Variants in AK7 observed in about 807,000 individuals in gnomAD.
AK7 encodes the protein ATP-AMP transphosphorylase 7.
A neutral mutation model predicts 96.6 loss-of-function variants in AK7; 78 were observed. The ratio of observed to expected loss-of-function variants is 0.81; its 90% CI spans 0.67 to 0.97. The LOEUF (loss-of-function observed/expected upper bound fraction) is 0.97, where lower values mean the gene tolerates loss of function less well. AK7 is among the 50% of genes least tolerant of loss of function. The pLI is 0.00. For synonymous variants in AK7, 302 were observed against 317.2 expected, an observed-to-expected ratio of 0.95 and a Z score of 0.51; for missense variants, 855 against 887.9, an observed-to-expected ratio of 0.96 and a Z score of 0.47.
In AK7 at chr14:96,486,064, G is replaced by A. The variant is rs188801250; in HGVS notation, c.1975-834G>A. ...CTCCCAAAGTGCTGGGATTACAGGC[G>A]TGAGCCACCGCGCCCAGCCCAGCTA... On this transcript the variant is annotated intron_variant, in intron 16 of 17. Transcript: ENST00000267584. 5.3e-4 allele frequency among the ~76,000 whole-genome samples: 81 copies of A among 152,306 alleles called. 1 individual carries two copies. Among genetic ancestry groups the A allele is most frequent in the African/African-American group, 1.8e-3 (76 of 41,580 alleles).
chr14:96,403,152 A>AAATAAATAAATAAATAAATG (rs1211273525), intron 2 of AK7, among the ~76,000 whole-genome samples: 1 of 147,854 alleles, frequency 6.8e-6, no homozygotes, highest in East Asian at 2.0e-4. Flanking sequence ...ATAAATAAAT[A>AAATAAATAAATAAATAAATG]AATGGAGGTC....
chr14:96,459,465 A>G (rs1199197253), intron 12 of AK7, among the ~76,000 whole-genome samples: 1 of 152,242 alleles, frequency 6.6e-6, no homozygotes, highest in African/African-American at 2.4e-5. Flanking sequence ...TTAATTGGAC[A>G]AACCAAGAAA....
chr14:96,452,455 A>G (rs149038469), intron 10 of AK7, among the ~76,000 whole-genome samples: 1,561 of 147,738 alleles, frequency 0.011, 21 homozygotes, highest in Middle Eastern at 0.015. Flanking sequence ...CCTGAGTAGT[A>G]CCTGAGATTA....
At chr14:96,456,762 T>A (rs562201562) in intron 11 of AK7, 2 of 270,618 alleles carry the variant, frequency 7.4e-6, no homozygotes, top group Non-Finnish European at 1.4e-5. Flanking sequence ...TGAACACAAG[T>A]GTGTGTTTGT....
intron 12 of AK7, among the ~76,000 whole-genome samples, chr14:96,466,695 A>G (rs975966825): frequency 6.6e-6 from 1 of 152,118 alleles, no homozygotes; most frequent in Non-Finnish European, 1.5e-5. Flanking sequence ...AACTGCCTAC[A>G]TTCTTCATGA....
At chr14:96,419,732 T>C (rs1891556838) in intron 4 of AK7, among the ~76,000 whole-genome samples, 1 of 151,942 alleles carries the variant, frequency 6.6e-6, no homozygotes, top group East Asian at 1.9e-4. Context: ...TAATTTTGTT[T>C]AGATTAAATT....
chr14:96,397,380 C>T (rs957592209), intron 1 of AK7, among the ~76,000 whole-genome samples: 3 of 152,008 alleles, frequency 2.0e-5, no homozygotes, highest in African/African-American at 7.2e-5. Flanking sequence ...TCCCGAGTAG[C>T]GGGGACTACA....
At chr14:96,414,521 GA>G (rs1891212378) in intron 4 of AK7, among the ~76,000 whole-genome samples, 2 of 152,172 alleles carry the variant, frequency 1.3e-5, no homozygotes, top group African/African-American at 4.8e-5. Flanking sequence ...GTCATATCTG[GA>G]TGTGAAGCTT....
At chr14:96,427,744 A>G (rs1361282079) in intron 5 of AK7, among the ~76,000 whole-genome samples, 3 of 152,186 alleles carry the variant, frequency 2.0e-5, no homozygotes, top group Non-Finnish European at 4.4e-5. Context: ...TTTAAGGCCA[A>G]TAACTCTTAG....
chr14:96,472,362 C>G (rs931320355), intron 13 of AK7, among the ~76,000 whole-genome samples: 1 of 152,184 alleles, frequency 6.6e-6, no homozygotes. Flanking sequence ...ACCCTGTTGC[C>G]AGGTTGATCT....
At chr14:96,473,291 C>T (rs923203077) in intron 14 of AK7, among the ~76,000 whole-genome samples, 1 of 151,196 alleles carries the variant, frequency 6.6e-6, no homozygotes, top group African/African-American at 2.4e-5. Context: ...CTGCCTCAGT[C>T]TCCCCAGCAG....
rs936491410 is a variant in AK7, at chr14:96,444,821, G to A, written c.780-1696G>A. Among the ~76,000 whole-genome samples the A allele has an allele frequency of 6.6e-5, 10 of 151,948 alleles. No individual in the cohort carries two copies. In the Middle Eastern group the frequency reaches 0.014, roughly 207 times the overall value. On this transcript the variant is annotated intron_variant, in intron 7 of 17. Transcript: ENST00000267584. Reference sequence around the variant, plus strand: ...CAACCTCCGCCTCCTGGGTTCAAGCGATTCTCCTGCCTCAGCCTCCCAAGT... The same window carrying A: ...CAACCTCCGCCTCCTGGGTTCAAGCAATTCTCCTGCCTCAGCCTCCCAAGT...
At chr14:96,446,946 A>G (rs1363102955) in intron 8 of AK7, among the ~76,000 whole-genome samples, 1 of 150,538 alleles carries the variant, frequency 6.6e-6, no homozygotes, top group East Asian at 1.9e-4. Context: ...TCTCCAAAAA[A>G]TAAAAAATAA....
intron 5 of AK7, among the ~76,000 whole-genome samples, chr14:96,430,597 G>A (rs1489685475): frequency 6.6e-6 from 1 of 152,176 alleles, no homozygotes; most frequent in Non-Finnish European, 1.5e-5. Flanking sequence ...ATTTGTGTAT[G>A]TTGAACCAGC....
intron 15 of AK7, among the ~76,000 whole-genome samples, chr14:96,482,140 G>A (rs1445682693): frequency 1.3e-5 from 2 of 151,794 alleles, no homozygotes; most frequent in Non-Finnish European, 2.9e-5. Context: ...GCTCATGCCT[G>A]TAATCCCAGC....
chr14:96,456,987 G>T (rs1365600167), intron 11 of AK7: 1 of 194,234 alleles, frequency 5.1e-6, no homozygotes, highest in South Asian at 1.0e-4. Context: ...GCCTTCAAAG[G>T]TTTTGCTTTG....
chr14:96,472,854 G>C, intron 14 of AK7, 99 bp downstream of exon 14: 1 of 930,726 alleles, frequency 1.1e-6, no homozygotes, highest in South Asian at 1.4e-5. Context: ...GGCCAAGGCG[G>C]GTGGATCACC....
intron 5 of AK7, among the ~76,000 whole-genome samples, chr14:96,431,388 T>C (rs1421768837): frequency 6.6e-6 from 1 of 152,246 alleles, no homozygotes; most frequent in African/African-American, 2.4e-5. Flanking sequence ...CTTTCTCTTG[T>C]GGGTATTTAG....
chr14:96,410,199 GCT>G, intron 4 of AK7, among the ~76,000 whole-genome samples: 1 of 152,306 alleles, frequency 6.6e-6, no homozygotes, highest in South Asian at 2.1e-4. Context: ...CAGGTTTCAT[GCT>G]CTTTCCTTGT....
Sources: gnomAD v4.1 joint callset for allele counts (sites outside exome capture counted in the v4.1 genomes callset) on GRCh38, gnomAD v4.1.1 for gene constraint, MANE v1.5 for transcripts, NCBI Gene and HGNC (gene_info 2026-07-23, HGNC 2026-07-21) for gene names.